The following CRHR1 variants were observed in gnomAD, a reference collection of about 807,000 sequenced individuals.
CRHR1 encodes corticotropin releasing hormone receptor 1, also known as corticotropin-releasing hormone receptor 1.
CRHR1 carries 28 observed loss-of-function variants against 56.0 expected under a neutral mutation model. The observed-to-expected ratio is 0.50, with a 90% CI of 0.37 to 0.69. CRHR1 has a LOEUF of 0.69. CRHR1 is among the 30% of genes least tolerant of loss of function. CRHR1 has a pLI of 0.00. For synonymous variants in CRHR1, 195 were observed against 216.5 expected, an observed-to-expected ratio of 0.90 and a Z score of 0.87; for missense variants, 376 against 548.0, an observed-to-expected ratio of 0.69 and a Z score of 3.13.
intron 1 of CRHR1, among the ~76,000 whole-genome samples, chr17:45,789,298 A>G (rs1215753453): frequency 1.3e-5 from 2 of 152,218 alleles, no homozygotes; most frequent in Non-Finnish European, 2.9e-5. Context: ...ATAGTCAAAC[A>G]ATGAATTTGT....
intron 1 of CRHR1, among the ~76,000 whole-genome samples, chr17:45,805,782 CT>C (rs2061708772): frequency 6.6e-6 from 1 of 152,170 alleles, no homozygotes. Context: ...ACTCATGCTT[CT>C]TAACCCCTTT....
chr17:45,787,845 A>G (rs1318196414), intron 1 of CRHR1, among the ~76,000 whole-genome samples: 1 of 152,206 alleles, frequency 6.6e-6, no homozygotes, highest in African/African-American at 2.4e-5. Context: ...AACGCGAAAC[A>G]GTGAGCCCAG....
At chr17:45,820,428 A>C (rs1268095494) in intron 3 of CRHR1, among the ~76,000 whole-genome samples, 1 of 152,130 alleles carries the variant, frequency 6.6e-6, no homozygotes, top group Admixed American at 6.5e-5. Context: ...GGTAAGGGGA[A>C]CACGTTGGGC....
intron 1 of CRHR1, chr17:45,800,897 C>T (rs554256684): frequency 2.0e-5 from 3 of 152,380 alleles, no homozygotes; most frequent in African/African-American, 7.2e-5. Flanking sequence ...CTCCCTCCCT[C>T]CAGTGGCCTT....
chr17:45,809,886 G>T (rs552393881), intron 2 of CRHR1, among the ~76,000 whole-genome samples: 1 of 152,364 alleles, frequency 6.6e-6, no homozygotes, highest in South Asian at 2.1e-4. Flanking sequence ...GGAGGTAATA[G>T]AATCATTTAC....
intron 4 of CRHR1, among the ~76,000 whole-genome samples, chr17:45,821,702 G>A (rs1329468545): frequency 6.6e-6 from 1 of 152,180 alleles, no homozygotes; most frequent in African/African-American, 2.4e-5. Context: ...TTCTCCCTGT[G>A]CTCATCGGGC....
At chr17:45,798,130 G>T (rs540088715) in intron 1 of CRHR1, among the ~76,000 whole-genome samples, 1 of 152,320 alleles carries the variant, frequency 6.6e-6, no homozygotes, top group South Asian at 2.1e-4. Flanking sequence ...AGAGGGGGCA[G>T]AAAGTGAAAA....
chr17:45,824,952 C>A (rs923957229), intron 4 of CRHR1, among the ~76,000 whole-genome samples: 10 of 151,994 alleles, frequency 6.6e-5, no homozygotes, highest in African/African-American at 2.4e-4. Flanking sequence ...CCTGGCTCTG[C>A]CATCTCTTTC....
In CRHR1 at chr17:45,784,343, C is replaced by A; in HGVS notation, c.-202C>A. ...TCGGGAAACGGCGGCCAGACTTCCC[C>A]GGGAAGGGGCGAGCGAGAGCCGGGC... On this transcript the variant is annotated 5_prime_UTR_variant, in exon 1 of 13. Transcript: ENST00000314537. This position sits in a 1 kb window ranked among gnomAD's most constrained non-coding sequence, Gnocchi z 4.2. The A allele has an allele frequency of 3.2e-6, 1 of 310,748 alleles. No individual in the cohort carries two copies. Among genetic ancestry groups the A allele is most frequent in the Non-Finnish European group, 5.7e-6 (1 of 176,272 alleles). 19.2% of individuals were successfully genotyped at this position (310,748 alleles called of 1,614,324 possible).
At chr17:45,802,371 A>G (rs1436623398) in intron 1 of CRHR1, among the ~76,000 whole-genome samples, 1 of 152,222 alleles carries the variant, frequency 6.6e-6, no homozygotes, top group Non-Finnish European at 1.5e-5. Flanking sequence ...CAAACAAACA[A>G]CATCCTTGAA....
At chr17:45,815,137 G>C (rs1449312398) in intron 2 of CRHR1, among the ~76,000 whole-genome samples, 2 of 152,248 alleles carry the variant, frequency 1.3e-5, no homozygotes, top group East Asian at 3.8e-4. Flanking sequence ...GCCCAGGCCT[G>C]AAGAGGCTGC....
In CRHR1 at chr17:45,816,531, G is replaced by A. The variant is rs1461739557; in HGVS notation, c.190G>A (p.Val64Met). 1.9e-6 allele frequency: 3 copies of A among 1,614,182 alleles called. No individual in the cohort carries two copies. The Admixed American group carries it at 5.0e-5, about 27-fold the overall frequency. ...CWPRSPAGQL[V>M]VRPCPAFFYG... ...GCCCCGCAGCCCTGCGGGGCAGCTA[G>A]TGGTTCGGCCCTGCCCTGCCTTTTT... The change falls in exon 3 of 13, where the codon GTG becomes ATG. Residue 64 changes from valine (V) to methionine (M), a missense_variant. Val to Met is a conservative substitution (Grantham distance 21, BLOSUM62 1). This residue lies in a region of CRHR1 where 369 missense variants were observed against 519.5 expected (regional missense o/e 0.71). Transcript: ENST00000314537.
chr17:45,785,087 G>A (rs760232188), intron 1 of CRHR1, among the ~76,000 whole-genome samples: 1 of 152,196 alleles, frequency 6.6e-6, no homozygotes. Context: ...AATGCCGCCC[G>A]CGCCTGCGAG....
chr17:45,803,782 G>GCGCA (rs1308240690), intron 1 of CRHR1, among the ~76,000 whole-genome samples: 112 of 152,244 alleles, frequency 7.4e-4, no homozygotes, highest in East Asian at 6.9e-3. Context: ...GTGTGCGTGC[G>GCGCA]CGTGCGCGTG....
intron 1 of CRHR1, among the ~76,000 whole-genome samples, chr17:45,801,019 A>G (rs905146891): frequency 6.6e-6 from 1 of 152,228 alleles, no homozygotes; most frequent in African/African-American, 2.4e-5. Context: ...ATGGTCTCTG[A>G]TAAGCATTTT....
At chr17:45,823,098 C>A (rs892063690) in intron 4 of CRHR1, among the ~76,000 whole-genome samples, 1 of 149,192 alleles carries the variant, frequency 6.7e-6, no homozygotes, top group East Asian at 2.0e-4. Flanking sequence ...GAGCCCAGAT[C>A]GCGCCACAGC....
In CRHR1 at chr17:45,835,587, C is replaced by T. The variant is rs564522080; in HGVS notation, c.*823C>T. On this transcript the variant is annotated 3_prime_UTR_variant, in exon 13 of 13. Coordinates refer to ENST00000314537, the MANE Select transcript of CRHR1 (RefSeq NM_004382.5). ...AGCCTCTGGGGCAGAGCTTGTAGCCCTGGATGGCCTCTGGGGCAGGACCAC... is the reference window on the plus strand; with the variant it reads ...AGCCTCTGGGGCAGAGCTTGTAGCCTTGGATGGCCTCTGGGGCAGGACCAC... 6 of 152,304 alleles carry T rather than the reference C, an allele frequency of 3.9e-5. No individual in the cohort carries two copies. Among genetic ancestry groups the T allele is most frequent in the African/African-American group, 1.4e-4 (6 of 41,524 alleles). The allele number at this position is 152,304 out of a possible 1,614,324, so 9.4% of individuals were successfully genotyped here. A position where few individuals can be genotyped will look rare whatever the true frequency, so the allele number is the denominator to read the frequency against.
At chr17:45,803,752 G>A (rs572147431) in intron 1 of CRHR1, among the ~76,000 whole-genome samples, 25 of 116,030 alleles carry the variant, frequency 2.2e-4, no homozygotes, top group African/African-American at 7.8e-4. Context: ...TTGAGAGAGA[G>A]AGTGCGTGTG....
rs1568076998 is a variant in CRHR1 at position 45,834,915 on chromosome 17, T to TC, written c.*156dup. On this transcript the variant is annotated 3_prime_UTR_variant, in exon 13 of 13. Transcript: ENST00000314537. ...CACTGACAGCCTGGGGGGGCCGCTC[T>TC]CCCCCTGCAGCCGTGCAGGACTCTA... The TC allele has an allele frequency of 2.8e-6, 3 of 1,052,762 alleles. No individual in the cohort carries two copies. The highest frequency in any genetic ancestry group is 4.1e-6 in the Non-Finnish European group (3 of 731,938). The allele number at this position is 1,052,762 out of a possible 1,614,324, so 65.2% of individuals were successfully genotyped here.
Sources: allele counts gnomAD v4.1 joint callset (sites outside exome capture counted in the v4.1 genomes callset), GRCh38; gene constraint gnomAD v4.1.1; regional missense constraint gnomAD v4.1.1; non-coding constraint Gnocchi (gnomAD v3.1); transcripts MANE v1.5; gene names NCBI Gene and HGNC (gene_info 2026-07-23, HGNC 2026-07-21).